C10orf62: variants seen among roughly 807,000 people sequenced by gnomAD.
The protein encoded by C10orf62 is uncharacterized protein C10orf62.
For synonymous variants in C10orf62, 94 were observed against 109.7 expected (o/e 0.86, Z 0.89); for missense variants, 279 against 281.9 (o/e 0.99, Z 0.07).
Position 97,590,017 on chromosome 10 carries a change from C to T in C10orf62, c.120C>T (p.Ser40=), listed in dbSNP as rs1204503287. The change falls in exon 1 of 1, where the codon AGC becomes AGT. Residue 40 remains serine (S), a synonymous_variant. Coordinates refer to ENST00000370640, the MANE Select transcript of C10orf62 (RefSeq NM_001009997.3). ...AAAGCTGGATTAAATCCCACTTTAG[C>T]CGCCTTTCCGAAGAGAAGCTGGCCC... The part of the protein sequence containing the change: ...KNESWIKSHF[S]RLSEEKLALD... 6.2e-7 allele frequency: 1 copy of T among 1,614,082 alleles called. No homozygotes were observed. Among genetic ancestry groups the T allele is most frequent in the Admixed American group, 1.7e-5 (1 of 60,002 alleles).
rs527640057 is a variant in C10orf62 at position 97,590,506 on chromosome 10, T to C, written c.609T>C (p.Ser203=). The C allele has an allele frequency of 5.0e-6, 8 of 1,612,356 alleles. No individual in the cohort carries two copies. The highest frequency in any genetic ancestry group is 6.8e-6 in the Non-Finnish European group (8 of 1,179,704). ...ANHTHTFYGH[S]HHSHHGHPSH... is the part of the protein sequence containing the mutation. ...ACACACACACCTTCTATGGCCACAG[T>C]CACCACAGTCACCATGGCCACCCAA... is the stretch of plus-strand genomic sequence containing the variant. Residue 203 remains serine, a synonymous_variant, in exon 1 of 1, where the codon AGT becomes AGC. Transcript: ENST00000370640.
Position 97,590,507 on chromosome 10 carries a change from C to T in C10orf62, c.610C>T (p.His204Tyr), listed in dbSNP as rs2041012896. ...CACACACACCTTCTATGGCCACAGT[C>T]ACCACAGTCACCATGGCCACCCAAG... ...NHTHTFYGHS[H>Y]HSHHGHPSHQ... The change falls in exon 1 of 1, where the codon CAC becomes TAC. Residue 204 changes from histidine to tyrosine, a missense_variant. By Grantham distance (83) the His-to-Tyr change is moderately conservative (BLOSUM62 2). Transcript: ENST00000370640. The T allele has an allele frequency of 1.2e-5, 20 of 1,612,568 alleles. No homozygotes were observed. The highest frequency in any genetic ancestry group is 1.6e-5 in the Non-Finnish European group (19 of 1,179,748).
At position 97,590,399 on chromosome 10, in the gene C10orf62, C is replaced by G. The variant is rs12769613; in HGVS notation, c.502C>G (p.Leu168Val). 1.9e-6 allele frequency: 3 copies of G among 1,614,118 alleles called. No individual in the cohort carries two copies. Among genetic ancestry groups the G allele is most frequent in the Non-Finnish European group, 1.7e-6 (2 of 1,180,014 alleles). The stretch of plus-strand genomic sequence containing the variant: ...GTCCAAGGACATCAACCAGGAGGAG[C>G]TGAGGGCCCTCGAGGAGGTAGAGAT... ...LESKDINQEE[L>V]RALEEVEMKL... is the part of the protein sequence containing the mutation. Residue 168 changes from leucine (L) to valine (V), a missense_variant, in exon 1 of 1, where the codon CTG (leucine) becomes GTG (valine). By Grantham distance (32) the Leu-to-Val change is conservative. Transcript: ENST00000370640.
chr10:97,590,158 C>CG lies in C10orf62; in HGVS notation c.262dup (p.Ala88GlyfsTer33). 4 of 1,614,046 alleles carry CG rather than the reference C, an allele frequency of 2.5e-6. No homozygotes were observed. The highest frequency in any genetic ancestry group is 3.4e-6 in the Non-Finnish European group (4 of 1,180,014). The stretch of plus-strand genomic sequence containing the variant: ...CCACGAGGCACGGAGAAGTGGGCTC[C>CG]GCTCTGCACCGGGAATCCTTCACCA... On this transcript the variant is annotated frameshift_variant, in exon 1 of 1. Coordinates refer to ENST00000370640, the MANE Select transcript of C10orf62 (RefSeq NM_001009997.3). LOFTEE classifies it low-confidence loss of function (END_TRUNC).
rs2041005113 is a variant in C10orf62 at position 97,589,983 on chromosome 10, CA to C, written c.89del (p.Lys30ArgfsTer46). 12 of 1,614,114 alleles carry C rather than the reference CA, an allele frequency of 7.4e-6. No homozygotes were observed. The highest frequency in any genetic ancestry group is 1.0e-5 in the Non-Finnish European group (12 of 1,179,998). On this transcript the variant is annotated frameshift_variant, in exon 1 of 1. Transcript: ENST00000370640. LOFTEE classifies it low-confidence loss of function (END_TRUNC). ...GACAAGTCACCAGAATCCCATAAAGCAAAGAATGAAAGCTGGATTAAATCCC... is the reference window on the plus strand; with the variant it reads ...GACAAGTCACCAGAATCCCATAAAGCAAGAATGAAAGCTGGATTAAATCCC... ...DKDKSPESHK[A>X]KNESWIKSHF...
rs377684189 is a variant in C10orf62, at chr10:97,590,044, C to T, written c.147C>T (p.Leu49=). The T allele has an allele frequency of 3.8e-5, 61 of 1,614,032 alleles. 1 individual carries two copies. Among genetic ancestry groups the T allele is most frequent in the South Asian group, 3.2e-4 (29 of 91,086 alleles). Residue 49 remains leucine (L), a synonymous_variant, in exon 1 of 1, where the codon CTC becomes CTT. Transcript: ENST00000370640. ...GCCTTTCCGAAGAGAAGCTGGCCCT[C>T]GACAACAATGCCAGCGCTAGTGGCA... ...FSRLSEEKLA[L]DNNASASGNA... is the part of the protein sequence containing the mutation.
Position 97,589,982 on chromosome 10 carries a change from G to A in C10orf62, c.85G>A (p.Ala29Thr), listed in dbSNP as rs778331591. ...DKDKSPESHKAKNESWIKSHF... is the reference protein window; with the variant it reads ...DKDKSPESHKTKNESWIKSHF... The stretch of plus-strand genomic sequence containing the variant: ...GGACAAGTCACCAGAATCCCATAAA[G>A]CAAAGAATGAAAGCTGGATTAAATC... Residue 29 changes from alanine (A) to threonine (T), a missense_variant, in exon 1 of 1, where the codon GCA becomes ACA. Transcript: ENST00000370640. 5.0e-6 allele frequency: 8 copies of A among 1,614,040 alleles called. No homozygotes were observed. The highest frequency in any genetic ancestry group is 6.8e-6 in the Non-Finnish European group (8 of 1,180,024).
chr10:97,590,873 G>T lies in C10orf62; in HGVS notation c.*304G>T. 2.2e-6 allele frequency: 1 copy of T among 462,234 alleles called. No homozygotes were observed. Among genetic ancestry groups the T allele is most frequent in the Non-Finnish European group, 4.0e-6 (1 of 248,816 alleles). 28.6% of individuals were successfully genotyped at this position (462,234 alleles called of 1,614,324 possible). A position where few individuals can be genotyped will look rare whatever the true frequency, so the allele number is the denominator to read the frequency against. On this transcript the variant is annotated 3_prime_UTR_variant, in exon 1 of 1. Transcript: ENST00000370640. ...ACCAAGAGAAGACAGATGGGAGCAG[G>T]CAAGAGCCCCACACTGATGTCATTG...
In C10orf62 at chr10:97,590,230, G is replaced by A. The variant is rs1378458080; in HGVS notation, c.333G>A (p.Gln111=). ...SGPSVIQEIH[Q]ESGKAPSTDE... is the part of the protein sequence containing the mutation. The stretch of plus-strand genomic sequence containing the variant: ...CCTCAGTGATCCAAGAGATCCACCA[G>A]GAGTCTGGAAAAGCCCCATCCACTG... Residue 111 remains glutamine (Q), a synonymous_variant, in exon 1 of 1, where the codon CAG becomes CAA. Coordinates refer to ENST00000370640, the MANE Select transcript of C10orf62 (RefSeq NM_001009997.3). 5 of 1,613,798 alleles carry A rather than the reference G, an allele frequency of 3.1e-6. No homozygotes were observed. In the South Asian group the frequency reaches 3.3e-5, roughly 11 times the overall value.
rs1457794769 is a variant in C10orf62, at chr10:97,590,499, GCCACAGTCA to G, written c.615_623del (p.Ser206_His208del). 3.5e-5 allele frequency: 57 copies of G among 1,612,710 alleles called. No homozygotes were observed. The highest frequency in any genetic ancestry group is 4.8e-5 in the Non-Finnish European group (57 of 1,179,858). On this transcript the variant is annotated inframe_deletion, in exon 1 of 1. Transcript: ENST00000370640. ...GCCAATCACACACACACCTTCTATG[GCCACAGTCA>G]CCACAGTCACCATGGCCACCCAAGC...
chr10:97,590,791 G>A lies in C10orf62; in HGVS notation c.*222G>A, dbSNP rs1207865892. ...GCCACAGAAGATGGCCCCTGTTGGA[G>A]GGAGAGCTGGGAGGACACAGCGCAG... is the stretch of plus-strand genomic sequence containing the variant. On this transcript the variant is annotated 3_prime_UTR_variant, in exon 1 of 1. Coordinates refer to ENST00000370640, the MANE Select transcript of C10orf62 (RefSeq NM_001009997.3). The A allele has an allele frequency of 1.6e-6, 1 of 608,828 alleles. No homozygotes were observed. Among genetic ancestry groups the A allele is most frequent in the South Asian group, 2.1e-5 (1 of 47,958 alleles). 37.7% of individuals were successfully genotyped at this position (608,828 alleles called of 1,614,324 possible). A position where few individuals can be genotyped will look rare whatever the true frequency, so the allele number is the denominator to read the frequency against.
At position 97,590,683 on chromosome 10, in the gene C10orf62, G is replaced by C; in HGVS notation, c.*114G>C. 5.9e-6 allele frequency: 6 copies of C among 1,012,298 alleles called. No homozygotes were observed. Among genetic ancestry groups the C allele is most frequent in the Non-Finnish European group, 8.8e-6 (6 of 679,560 alleles). The allele number at this position is 1,012,298 out of a possible 1,614,324, so 62.7% of individuals were successfully genotyped here. A position where few individuals can be genotyped will look rare whatever the true frequency, so the allele number is the denominator to read the frequency against. On this transcript the variant is annotated 3_prime_UTR_variant, in exon 1 of 1. Coordinates refer to ENST00000370640, the MANE Select transcript of C10orf62 (RefSeq NM_001009997.3). ...CCTATGGGGCCATCTATGCAGGCCA[G>C]GGTGAGATGCTGTGCCCAAATCCCT...
Position 97,589,848 on chromosome 10 carries a change from C to CA in C10orf62, c.-49dup. ...TTCTTGGAGCTCATCCAGCAGCCAT[C>CA]ATGCAAGGTGGTGCTGGGGACTGCC... On this transcript the variant is annotated 5_prime_UTR_variant, in exon 1 of 1. In the 5' UTR this introduces an upstream ATG that the reference lacks. Coordinates refer to ENST00000370640, the MANE Select transcript of C10orf62 (RefSeq NM_001009997.3). The CA allele has an allele frequency of 1.4e-6, 2 of 1,437,282 alleles. No homozygotes were observed. The highest frequency in any genetic ancestry group is 1.9e-6 in the Non-Finnish European group (2 of 1,035,610). The allele number at this position is 1,437,282 out of a possible 1,614,324, so 89.0% of individuals were successfully genotyped here.
chr10:97,590,892 G>C lies in C10orf62; in HGVS notation c.*323G>C, dbSNP rs1039386212. ...GAGCAGGCAAGAGCCCCACACTGATGTCATTGCCTGGAACGGAGCCAATAA... is the reference window on the plus strand; with the variant it reads ...GAGCAGGCAAGAGCCCCACACTGATCTCATTGCCTGGAACGGAGCCAATAA... On this transcript the variant is annotated 3_prime_UTR_variant, in exon 1 of 1. Transcript: ENST00000370640. The C allele has an allele frequency of 9.5e-5, 36 of 379,464 alleles. No individual in the cohort carries two copies. The highest frequency in any genetic ancestry group is 7.2e-4 in the African/African-American group (35 of 48,810). 23.5% of individuals were successfully genotyped at this position (379,464 alleles called of 1,614,324 possible).
Position 97,590,670 on chromosome 10 carries a change from T to C in C10orf62, c.*101T>C. The stretch of plus-strand genomic sequence containing the variant: ...GTCTGTTTTCTCTCCTATGGGGCCA[T>C]CTATGCAGGCCAGGGTGAGATGCTG... On this transcript the variant is annotated 3_prime_UTR_variant, in exon 1 of 1. Transcript: ENST00000370640. 3.5e-6 allele frequency: 4 copies of C among 1,159,326 alleles called. No individual in the cohort carries two copies. In the South Asian group the frequency reaches 5.7e-5, roughly 17 times the overall value. 71.8% of individuals were successfully genotyped at this position (1,159,326 alleles called of 1,614,324 possible). A position where few individuals can be genotyped will look rare whatever the true frequency, so the allele number is the denominator to read the frequency against.
At position 97,590,854 on chromosome 10, in the gene C10orf62, A is replaced by G; in HGVS notation, c.*285A>G. 2 of 507,770 alleles carry G rather than the reference A, an allele frequency of 3.9e-6. 1 individual carries two copies. The highest frequency in any genetic ancestry group is 5.6e-5 in the South Asian group (2 of 35,504). 31.5% of individuals were successfully genotyped at this position (507,770 alleles called of 1,614,324 possible). On this transcript the variant is annotated 3_prime_UTR_variant, in exon 1 of 1. Coordinates refer to ENST00000370640, the MANE Select transcript of C10orf62 (RefSeq NM_001009997.3). ...CTGAGGCCCCTGAAGACCCACCAAG[A>G]GAAGACAGATGGGAGCAGGCAAGAG... is the stretch of plus-strand genomic sequence containing the variant.
chr10:97,589,915 A>C lies in C10orf62; in HGVS notation c.18A>C (p.Arg6Ser), dbSNP rs763146588. ...GAGGTCTCATGCTGTGGGTTCAGAG[A>C]AAGAGGAGAAGAAAGGAAACCTCTG... is the stretch of plus-strand genomic sequence containing the variant. MLWVQ[R>S]KRRRKETSEC... is the part of the protein sequence containing the mutation. Residue 6 changes from arginine (R) to serine (S), a missense_variant, in exon 1 of 1, where the codon AGA (arginine) becomes AGC (serine). Transcript: ENST00000370640. 6.2e-7 allele frequency: 1 copy of C among 1,612,962 alleles called. No individual in the cohort carries two copies. Among genetic ancestry groups the C allele is most frequent in the South Asian group, 1.1e-5 (1 of 91,050 alleles).
Position 97,590,163 on chromosome 10 carries a change from T to C in C10orf62, c.266T>C (p.Leu89Pro). 6.2e-7 allele frequency: 1 copy of C among 1,614,086 alleles called. No individual in the cohort carries two copies. The highest frequency in any genetic ancestry group is 8.5e-7 in the Non-Finnish European group (1 of 1,180,020). Reference protein sequence around the residue: ...TTRHGEVGSALHRESFTSRQK... With the variant: ...TTRHGEVGSAPHRESFTSRQK... ...AGGCACGGAGAAGTGGGCTCCGCTC[T>C]GCACCGGGAATCCTTCACCAGCAGG... Residue 89 changes from leucine (L) to proline (P), a missense_variant, in exon 1 of 1, where the codon CTG becomes CCG. Coordinates refer to ENST00000370640, the MANE Select transcript of C10orf62 (RefSeq NM_001009997.3).
Position 97,590,371 on chromosome 10 carries a change from A to G in C10orf62, c.474A>G (p.Leu158=), listed in dbSNP as rs7093643. 501,710 of 1,613,734 alleles carry G rather than the reference A, an allele frequency of 0.31. 79,393 individuals are homozygous for G. The highest frequency in any genetic ancestry group is 0.36 in the African/African-American group (26,780 of 74,964). The change falls in exon 1 of 1, where the codon CTA becomes CTG. Residue 158 remains leucine (L), a synonymous_variant. Coordinates refer to ENST00000370640, the MANE Select transcript of C10orf62 (RefSeq NM_001009997.3). The stretch of plus-strand genomic sequence containing the variant: ...TAGCTTACCAGCACTCAGGTCACCT[A>G]GAGTCCAAGGACATCAACCAGGAGG... ...RAIAYQHSGH[L]ESKDINQEEL...
Sources: allele counts gnomAD v4.1 joint callset, GRCh38; gene constraint gnomAD v4.1.1; transcripts MANE v1.5; gene names NCBI Gene and HGNC (gene_info 2026-07-23, HGNC 2026-07-21).